The following INPP4B variants were observed in gnomAD, a reference collection of about 807,000 sequenced individuals.
INPP4B encodes the protein inositol polyphosphate-4-phosphatase type II B, also known as inositol polyphosphate 4-phosphatase type II.
A neutral mutation model predicts 122.5 loss-of-function variants in INPP4B; 55 were observed. The observed-to-expected ratio is 0.45, with a 90% confidence interval of 0.36 to 0.56. The LOEUF is 0.56. Among genes scored for constraint, INPP4B ranks in the 20% least tolerant of loss-of-function variants. The probability of loss-of-function intolerance (pLI) is 0.00; values close to 1 mark genes in which losing one functional copy is unlikely to be tolerated. For missense variants in INPP4B, 1,000 were observed against 1,097.7 expected, an observed-to-expected ratio of 0.91 and a Z score of 1.26; for synonymous variants, 403 against 388.7, an observed-to-expected ratio of 1.04 and a Z score of -0.43.
chr4:142,524,153 A>T (rs1409453753), intron 2 of INPP4B, among the ~76,000 whole-genome samples: 1 of 151,992 alleles, frequency 6.6e-6, no homozygotes, highest in East Asian at 1.9e-4. Context: ...CATGATTTAT[A>T]GTCCTTTGGG....
At chr4:142,385,310 G>T (rs1461752563) in intron 7 of INPP4B, among the ~76,000 whole-genome samples, 1 of 151,766 alleles carries the variant, frequency 6.6e-6, no homozygotes, top group African/African-American at 2.4e-5. Flanking sequence ...TCTGACTGGT[G>T]TGAGATGGTA....
intron 7 of INPP4B, among the ~76,000 whole-genome samples, chr4:142,339,076 C>G (rs1777821455): frequency 6.6e-6 from 1 of 152,180 alleles, no homozygotes; most frequent in African/African-American, 2.4e-5. Context: ...CTTGACCAAG[C>G]TGGCCTTCTC....
At chr4:142,603,063 A>G (rs2150306183) in intron 2 of INPP4B, among the ~76,000 whole-genome samples, 1 of 152,324 alleles carries the variant, frequency 6.6e-6, no homozygotes, top group Non-Finnish European at 1.5e-5. Flanking sequence ...AAGGAACAAG[A>G]TCATGTCCTT....
At chr4:142,621,020 CT>C (rs901081080) in intron 2 of INPP4B, among the ~76,000 whole-genome samples, 26 of 150,364 alleles carry the variant, frequency 1.7e-4, no homozygotes, top group Admixed American at 4.0e-4. Flanking sequence ...ATTGAAGGAG[CT>C]TTTTTTTTAA....
chr4:142,320,678 C>T (rs906725788), intron 7 of INPP4B, among the ~76,000 whole-genome samples: 9 of 152,112 alleles, frequency 5.9e-5, no homozygotes, highest in Non-Finnish European at 1.3e-4. Context: ...TCCCCAAAAT[C>T]TACTTATCTT....
intron 1 of INPP4B, among the ~76,000 whole-genome samples, chr4:142,814,475 T>A (rs1041154687): frequency 6.6e-6 from 1 of 152,158 alleles, no homozygotes; most frequent in Non-Finnish European, 1.5e-5. Context: ...GATACCACTA[T>A]CTAGTTCAGT....
At chr4:142,355,191 T>A (rs553508379) in intron 7 of INPP4B, among the ~76,000 whole-genome samples, 1 of 152,040 alleles carries the variant, frequency 6.6e-6, no homozygotes, top group African/African-American at 2.4e-5. Context: ...ATTATATCAC[T>A]TCTGTTGCAT....
At chr4:142,252,436 C>A (rs1732774090) in intron 11 of INPP4B, among the ~76,000 whole-genome samples, 2 of 152,046 alleles carry the variant, frequency 1.3e-5, no homozygotes, top group Non-Finnish European at 2.9e-5. Flanking sequence ...GATCCGCCCG[C>A]CTCGGCCTCC....
intron 25 of INPP4B, among the ~76,000 whole-genome samples, chr4:142,080,013 CATT>C (rs1773055585): frequency 6.6e-6 from 1 of 152,012 alleles, no homozygotes; most frequent in African/African-American, 2.4e-5. Flanking sequence ...ATGTGCCAAA[CATT>C]GTTAATTCCT....
intron 18 of INPP4B, among the ~76,000 whole-genome samples, chr4:142,145,045 C>T (rs1383184525): frequency 2.0e-5 from 3 of 151,734 alleles, no homozygotes; most frequent in Non-Finnish European, 1.5e-5. Flanking sequence ...TTCCTACTGC[C>T]GTAAAGAGAT....
intron 2 of INPP4B, among the ~76,000 whole-genome samples, chr4:142,649,509 A>G (rs1049759007): frequency 6.6e-6 from 1 of 152,230 alleles, no homozygotes; most frequent in Non-Finnish European, 1.5e-5. Flanking sequence ...TAGGATAAAC[A>G]GTGTAGAGAA....
At chr4:142,615,404 A>G (rs1274526674) in intron 2 of INPP4B, among the ~76,000 whole-genome samples, 1 of 152,196 alleles carries the variant, frequency 6.6e-6, no homozygotes, top group African/African-American at 2.4e-5. Flanking sequence ...TTAATTTGCA[A>G]CTGGTTAAAG....
intron 11 of INPP4B, among the ~76,000 whole-genome samples, chr4:142,245,737 A>G (rs1371930466): frequency 6.6e-6 from 1 of 151,312 alleles, no homozygotes; most frequent in African/African-American, 2.4e-5. Context: ...GTTATTTCTG[A>G]GGCCTCTATT....
chr4:142,837,180 T>C (rs938056214), intron 1 of INPP4B, among the ~76,000 whole-genome samples: 1 of 150,956 alleles, frequency 6.6e-6, no homozygotes, highest in African/African-American at 2.4e-5. Flanking sequence ...ATAATAATAA[T>C]AATAATAAAG....
At chr4:142,829,307 T>C (rs1781817887) in intron 1 of INPP4B, among the ~76,000 whole-genome samples, 1 of 152,032 alleles carries the variant, frequency 6.6e-6, no homozygotes. Context: ...ACCCCTGACT[T>C]CTGACGGACT....
intron 11 of INPP4B, among the ~76,000 whole-genome samples, chr4:142,255,176 G>A (rs1227496636): frequency 9.2e-5 from 14 of 151,512 alleles, no homozygotes; most frequent in South Asian, 2.1e-4. Context: ...TCACCACCAG[G>A]CCTGCCCTAA....
chr4:142,087,856 G>A (rs2152553998), intron 23 of INPP4B, among the ~76,000 whole-genome samples: 1 of 152,216 alleles, frequency 6.6e-6, no homozygotes, highest in Non-Finnish European at 1.5e-5. Context: ...AGAAGTGGTT[G>A]GTAAGGTGGG....
At chr4:142,091,130 C>T (rs1254657396) in intron 23 of INPP4B, among the ~76,000 whole-genome samples, 1 of 152,112 alleles carries the variant, frequency 6.6e-6, no homozygotes, top group African/African-American at 2.4e-5. Context: ...GGAGCTTTTA[C>T]CCTATCTGTA....
chr4:142,177,481 G>A (rs1036501228), intron 15 of INPP4B, among the ~76,000 whole-genome samples: 11 of 151,960 alleles, frequency 7.2e-5, no homozygotes, highest in African/African-American at 2.2e-4. Flanking sequence ...TTGAGTCAAC[G>A]ATCAATCAGA....
Sources: allele counts gnomAD v4.1 joint callset (sites outside exome capture counted in the v4.1 genomes callset), GRCh38; gene constraint gnomAD v4.1.1; transcripts MANE v1.5; gene names NCBI Gene and HGNC (gene_info 2026-07-23, HGNC 2026-07-21).